The following PRIM2 variants were observed in gnomAD, a reference collection of about 807,000 sequenced individuals.
The protein encoded by PRIM2 is DNA primase subunit 2.
Under a neutral mutation model 67.3 loss-of-function variants are expected in PRIM2, and 39 were observed. That is an observed-to-expected ratio of 0.58 (90% CI 0.45 to 0.76). PRIM2 has a LOEUF of 0.76. Among genes scored for constraint, PRIM2 ranks in the 30% least tolerant of loss-of-function variants. The pLI, the probability that PRIM2 is intolerant of heterozygous loss-of-function variation, is 0.00. For missense variants in PRIM2, 398 were observed against 598.7 expected (o/e 0.66, Z 3.50); for synonymous variants, 143 against 198.7 (o/e 0.72, Z 2.36).
Position 57,374,260 on chromosome 6 carries a change from G to A in PRIM2, c.460-5641G>A, listed in dbSNP as rs9382714. The stretch of plus-strand genomic sequence containing the variant: ...TTGGCTGTTGGCTTGGCTATTGTTG[G>A]TGTATAGGAATGCTATTTATTTATT... On this transcript the variant is annotated intron_variant, in intron 5 of 13. Coordinates refer to ENST00000615550, the MANE Select transcript of PRIM2 (RefSeq NM_000947.5). Among the ~76,000 whole-genome samples the A allele has an allele frequency of 2.8e-5, 4 of 141,456 alleles. No individual in the cohort carries two copies. The South Asian group carries it at 9.0e-4, about 32-fold the overall frequency. 92.8% of individuals were successfully genotyped at this position (141,456 alleles called of 152,430 possible). A position where few individuals can be genotyped will look rare whatever the true frequency, so the allele number is the denominator to read the frequency against.
intron 3 of PRIM2, among the ~76,000 whole-genome samples, chr6:57,321,617 T>C (rs928176966): frequency 6.6e-6 from 1 of 152,136 alleles, no homozygotes; most frequent in Non-Finnish European, 1.5e-5. Context: ...AGTAGTGTCA[T>C]AGAAGCCAAG....
chr6:57,413,787 G>A (rs1771169324), intron 7 of PRIM2, among the ~76,000 whole-genome samples: 1 of 152,034 alleles, frequency 6.6e-6, no homozygotes, highest in Non-Finnish European at 1.5e-5. Flanking sequence ...TATTAATACT[G>A]TTGTAAAACA....
At chr6:57,478,223 C>T (rs1212201030) in intron 7 of PRIM2, among the ~76,000 whole-genome samples, 4 of 152,086 alleles carry the variant, frequency 2.6e-5, no homozygotes, top group African/African-American at 7.2e-5. Context: ...TTTTCTCAAA[C>T]ATGAAATACT....
chr6:57,257,021 G>A, the PRIM2 span, among the ~76,000 whole-genome samples: 5 of 152,122 alleles, frequency 3.3e-5, no homozygotes, highest in African/African-American at 7.2e-5. Flanking sequence ...AATTAATTCT[G>A]ACAGATATCA....
At chr6:57,382,257 A>G in intron 7 of PRIM2, 89 bp downstream of exon 7, 1 of 1,384,342 alleles carries the variant, frequency 7.2e-7, no homozygotes, top group Non-Finnish European at 9.9e-7. Context: ...TCTCTAGGAA[A>G]TAAGTTAATT....
intron 5 of PRIM2, among the ~76,000 whole-genome samples, chr6:57,326,855 C>T (rs542965692): frequency 1.9e-4 from 29 of 148,756 alleles, no homozygotes; most frequent in Non-Finnish European, 3.4e-4. Context: ...CTTTGGGACT[C>T]ATTTAATGGG....
intron 8 of PRIM2, among the ~76,000 whole-genome samples, 153 bp downstream of exon 8, chr6:57,507,607 A>T (rs1358335976): frequency 1.3e-5 from 2 of 152,082 alleles, no homozygotes; most frequent in Non-Finnish European, 2.9e-5. Context: ...TCTTAATACC[A>T]TGTACTTGTT....
intron 5 of PRIM2, among the ~76,000 whole-genome samples, chr6:57,355,062 G>A (rs1193650819): frequency 6.6e-6 from 1 of 152,284 alleles, no homozygotes; most frequent in Admixed American, 6.5e-5. Flanking sequence ...CCAGCACTTC[G>A]GGAGGCTGAG....
At chr6:57,530,671 T>A (rs2127467771) in intron 8 of PRIM2, among the ~76,000 whole-genome samples, 1 of 152,242 alleles carries the variant, frequency 6.6e-6, no homozygotes, top group African/African-American at 2.4e-5. Flanking sequence ...CTTCTTAGCC[T>A]GTAGGAGGAG....
intron 5 of PRIM2, among the ~76,000 whole-genome samples, chr6:57,379,076 C>A (rs1446329436): frequency 5.5e-5 from 7 of 126,538 alleles, no homozygotes; most frequent in Admixed American, 1.8e-4. Context: ...AAGTATGGTA[C>A]ACAAAGATTG....
At chr6:57,630,908 A>G (rs1395932931) in intron 12 of PRIM2, among the ~76,000 whole-genome samples, 2 of 152,242 alleles carry the variant, frequency 1.3e-5, no homozygotes, top group African/African-American at 2.4e-5. Flanking sequence ...GATTTTTCAT[A>G]TTTTACTCTA....
the PRIM2 span, among the ~76,000 whole-genome samples, chr6:57,308,934 G>A: frequency 7.5e-5 from 11 of 146,356 alleles, no homozygotes; most frequent in East Asian, 2.0e-4. Flanking sequence ...TTTTTTGTTT[G>A]TTTATTTTTT....
chr6:57,223,866 C>T, the PRIM2 span, among the ~76,000 whole-genome samples: 5 of 152,124 alleles, frequency 3.3e-5, no homozygotes, highest in East Asian at 9.6e-4. Flanking sequence ...CCTTTGTGTG[C>T]TGCTGGTGGG....
chr6:57,335,206 G>T, intron 5 of PRIM2, among the ~76,000 whole-genome samples: 1 of 152,232 alleles, frequency 6.6e-6, no homozygotes, highest in Admixed American at 6.5e-5. Context: ...GGCTCGGAGG[G>T]TCCTACGCCC....
chr6:57,397,832 A>G (rs550125745), intron 7 of PRIM2, among the ~76,000 whole-genome samples: 1 of 145,432 alleles, frequency 6.9e-6, no homozygotes, highest in African/African-American at 2.5e-5. Flanking sequence ...TTAGAGGCTG[A>G]TTTGTTTAGG....
At chr6:57,239,475 C>T in the PRIM2 span, among the ~76,000 whole-genome samples, 2 of 151,974 alleles carry the variant, frequency 1.3e-5, no homozygotes, top group Non-Finnish European at 2.9e-5. Flanking sequence ...TGACGCATGC[C>T]TATAATTTCA....
At chr6:57,454,926 G>A (rs1284335828) in intron 7 of PRIM2, among the ~76,000 whole-genome samples, 1 of 152,052 alleles carries the variant, frequency 6.6e-6, no homozygotes, top group Non-Finnish European at 1.5e-5. Context: ...GGCATTTAGT[G>A]CTATAAATTT....
At chr6:57,526,625 A>T (rs1774759921) in intron 8 of PRIM2, among the ~76,000 whole-genome samples, 1 of 152,190 alleles carries the variant, frequency 6.6e-6, no homozygotes, top group Admixed American at 6.5e-5. Flanking sequence ...GTTATATCTC[A>T]CTTTATTCTT....
At chr6:57,360,968 C>T (rs547129795) in intron 5 of PRIM2, among the ~76,000 whole-genome samples, 2 of 151,736 alleles carry the variant, frequency 1.3e-5, no homozygotes, top group African/African-American at 4.8e-5. Context: ...TGGGGGGCAT[C>T]GAATGAAAAT....
Sources: allele counts gnomAD v4.1 joint callset (sites outside exome capture counted in the v4.1 genomes callset), GRCh38; gene constraint gnomAD v4.1.1; transcripts MANE v1.5; gene names NCBI Gene and HGNC (gene_info 2026-07-23, HGNC 2026-07-21).